Variants in FMN1 observed in about 807,000 individuals in gnomAD.
FMN1 encodes the protein formin-1.
FMN1 carries 110 observed loss-of-function variants against 132.4 expected under a neutral mutation model. The observed-to-expected ratio is 0.83, with a 90% CI of 0.71 to 0.97. The LOEUF (loss-of-function observed/expected upper bound fraction) is 0.97. FMN1 is among the 50% of genes least tolerant of loss of function. FMN1 has a pLI of 0.00. For missense variants in FMN1, 1,792 were observed against 1,705.3 expected, an observed-to-expected ratio of 1.05 and a Z score of -0.90; for synonymous variants, 722 against 651.7, an observed-to-expected ratio of 1.11 and a Z score of -1.64.
At chr15:33,088,294 T>C (rs2141356556) in intron 5 of FMN1, among the ~76,000 whole-genome samples, 1 of 152,366 alleles carries the variant, frequency 6.6e-6, no homozygotes, top group African/African-American at 2.4e-5. Context: ...GAGGTGGTTA[T>C]GTTTTTTAAA....
chr15:32,972,540 G>A (rs1405534193), intron 7 of FMN1, among the ~76,000 whole-genome samples: 1 of 152,122 alleles, frequency 6.6e-6, no homozygotes, highest in African/African-American at 2.4e-5. Flanking sequence ...TTTGTTAAGA[G>A]TTGACTGTTG....
intron 6 of FMN1, among the ~76,000 whole-genome samples, chr15:33,018,241 T>C (rs955554684): frequency 2.0e-5 from 3 of 152,056 alleles, no homozygotes; most frequent in Admixed American, 2.0e-4. Context: ...TTCCTGACAA[T>C]TTCTAAAATC....
At chr15:33,003,206 T>C (rs945691280) in intron 7 of FMN1, among the ~76,000 whole-genome samples, 1 of 152,186 alleles carries the variant, frequency 6.6e-6, no homozygotes, top group African/African-American at 2.4e-5. Context: ...GCCAGGGCAA[T>C]TAGACAGGAG....
At chr15:32,887,139 T>C (rs2059914806) in intron 16 of FMN1, among the ~76,000 whole-genome samples, 1 of 152,224 alleles carries the variant, frequency 6.6e-6, no homozygotes, top group Non-Finnish European at 1.5e-5. Flanking sequence ...TTTCCCACTT[T>C]ACTTCCATTT....
intron 19 of FMN1, among the ~76,000 whole-genome samples, chr15:32,787,570 G>A (rs1015589710): frequency 1.3e-5 from 2 of 152,226 alleles, no homozygotes; most frequent in Admixed American, 6.5e-5. Flanking sequence ...AGTTATTCCA[G>A]TTGGGCATGG....
intron 4 of FMN1, among the ~76,000 whole-genome samples, chr15:33,146,882 A>G (rs1238208603): frequency 6.6e-6 from 1 of 152,166 alleles, no homozygotes. Context: ...AGGATTCCCT[A>G]AGAAATAAAA....
intron 4 of FMN1, among the ~76,000 whole-genome samples, chr15:33,101,366 G>A (rs115517441): frequency 0.016 from 2,502 of 152,044 alleles, 62 homozygotes; most frequent in African/African-American, 0.058. Context: ...ATCTAGGGGT[G>A]TCTAATCTTT....
intron 17 of FMN1, among the ~76,000 whole-genome samples, chr15:32,842,469 T>C (rs1462192011): frequency 6.6e-6 from 1 of 152,166 alleles, no homozygotes; most frequent in Non-Finnish European, 1.5e-5. Context: ...CTACTAAGTT[T>C]TGAGATGGTT....
At chr15:32,824,772 A>G (rs2058323106) in intron 17 of FMN1, among the ~76,000 whole-genome samples, 1 of 152,142 alleles carries the variant, frequency 6.6e-6, no homozygotes, top group Non-Finnish European at 1.5e-5. Flanking sequence ...CTGTTTTATA[A>G]TTAGCTATAA....
At chr15:32,923,717 T>C (rs948148567) in intron 10 of FMN1, among the ~76,000 whole-genome samples, 5 of 152,228 alleles carry the variant, frequency 3.3e-5, no homozygotes, top group Admixed American at 6.5e-5. Flanking sequence ...ACATTCAATC[T>C]AATAAGGCTA....
chr15:32,794,404 T>C (rs548193566), intron 19 of FMN1, among the ~76,000 whole-genome samples: 8 of 152,300 alleles, frequency 5.3e-5, no homozygotes, highest in Non-Finnish European at 1.2e-4. Flanking sequence ...CCTGGAGTCA[T>C]GACTCCCGTA....
At chr15:33,004,867 GA>G (rs1233987102) in intron 7 of FMN1, among the ~76,000 whole-genome samples, 15 of 152,166 alleles carry the variant, frequency 9.9e-5, no homozygotes, top group African/African-American at 3.6e-4. Context: ...CATAAAAAAT[GA>G]TGAGTTCATG....
chr15:32,998,193 A>G (rs1469662545), intron 7 of FMN1, among the ~76,000 whole-genome samples: 3 of 152,200 alleles, frequency 2.0e-5, no homozygotes, highest in Non-Finnish European at 2.9e-5. Context: ...ATTTGATGGT[A>G]TCACAAATTT....
chr15:33,102,588 C>T (rs1036360041), intron 4 of FMN1, among the ~76,000 whole-genome samples: 1 of 151,962 alleles, frequency 6.6e-6, no homozygotes, highest in Non-Finnish European at 1.5e-5. Context: ...GCAAAGATTC[C>T]ACCATAAATT....
At chr15:33,065,810 C>T (rs2037698484) in intron 5 of FMN1, among the ~76,000 whole-genome samples, 1 of 152,140 alleles carries the variant, frequency 6.6e-6, no homozygotes, top group African/African-American at 2.4e-5. Flanking sequence ...GGTACTTGCT[C>T]ATCTTTATAA....
chr15:33,119,043 G>A (rs191554342), intron 4 of FMN1, among the ~76,000 whole-genome samples: 10 of 152,240 alleles, frequency 6.6e-5, no homozygotes, highest in Admixed American at 2.6e-4. Flanking sequence ...TCAACTGGAG[G>A]ACATCTGAAT....
rs1366775428 is a variant in FMN1, at chr15:32,997,348, G to A, written c.2223+10666C>T. On this transcript the variant is annotated intron_variant, in intron 7 of 20. Transcript: ENST00000616417. ...TTTTTTTTTTTTTTAATCACATGGG[G>A]AACTTGTGCAGATCATCCTTTATTC... 2.0e-5 allele frequency among the ~76,000 whole-genome samples: 3 copies of A among 150,076 alleles called. No homozygotes were observed. The South Asian group carries it at 6.3e-4, about 32-fold the overall frequency.
At chr15:33,124,145 A>C (rs1365624975) in intron 4 of FMN1, among the ~76,000 whole-genome samples, 1 of 152,220 alleles carries the variant, frequency 6.6e-6, no homozygotes, top group Non-Finnish European at 1.5e-5. Context: ...CTCTAGATCC[A>C]ATAGATCAGC....
chr15:33,165,737 A>AT (rs1233393659), intron 3 of FMN1, among the ~76,000 whole-genome samples: 1 of 151,934 alleles, frequency 6.6e-6, no homozygotes, highest in East Asian at 1.9e-4. Context: ...TTGTAACCCC[A>AT]TTTTATAGAG....
Sources: allele counts gnomAD v4.1 joint callset (sites outside exome capture counted in the v4.1 genomes callset), GRCh38; gene constraint gnomAD v4.1.1; transcripts MANE v1.5; gene names NCBI Gene and HGNC (gene_info 2026-07-23, HGNC 2026-07-21).